Variants in EIF2S3B observed in about 807,000 individuals in gnomAD.
EIF2S3B encodes the protein eukaryotic translation initiation factor 2 subunit gamma B.
In EIF2S3B, 16 loss-of-function variants were observed where a neutral mutation model predicts 26.4. That is an observed-to-expected ratio of 0.61 (90% CI 0.41 to 0.92). The LOEUF is 0.92. Among genes scored for constraint, EIF2S3B ranks in the 40% least tolerant of loss-of-function variants. The pLI is 0.00. For synonymous variants in EIF2S3B, 183 were observed against 204.4 expected (o/e 0.90, Z 0.89); for missense variants, 510 against 575.5 (o/e 0.89, Z 1.16).
At position 10,507,573 on chromosome 12, in the gene EIF2S3B, T is replaced by C; in HGVS notation, c.*252T>C. On this transcript the variant is annotated 3_prime_UTR_variant, in exon 1 of 1. Transcript: ENST00000538173. ...AGAAGTTAAGCATTCCCACATAATG[T>C]CAAAATTATACATTATGCAGTTTTT... 3 of 585,114 alleles carry C rather than the reference T, an allele frequency of 5.1e-6. No individual in the cohort carries two copies. The highest frequency in any genetic ancestry group is 9.0e-4 in the Middle Eastern group (2 of 2,222). The allele number at this position is 585,114 out of a possible 1,614,324, so 36.2% of individuals were successfully genotyped here. A position where few individuals can be genotyped will look rare whatever the true frequency, so the allele number is the denominator to read the frequency against.
Position 10,506,392 on chromosome 12 carries a change from TCTTGCC to T in EIF2S3B, c.493_498del (p.Cys165_Pro166del), listed in dbSNP as rs1266731116. Reference sequence around the variant, plus strand: ...TCTTCTGTTGATAGCTGGTAATGAATCTTGCCCTCAGCCTCAGACATCTGAACACCT... The same window carrying T: ...TCTTCTGTTGATAGCTGGTAATGAATCTCAGCCTCAGACATCTGAACACCT... On this transcript the variant is annotated inframe_deletion, in exon 1 of 1. Transcript: ENST00000538173. 6 of 1,614,070 alleles carry T rather than the reference TCTTGCC, an allele frequency of 3.7e-6. No individual in the cohort carries two copies. Among genetic ancestry groups the T allele is most frequent in the Non-Finnish European group, 5.1e-6 (6 of 1,179,956 alleles).
chr12:10,522,330 G>C (rs1371120798), intron 1 of EIF2S3B, among the ~76,000 whole-genome samples: 1 of 152,054 alleles, frequency 6.6e-6, no homozygotes, highest in Non-Finnish European at 1.5e-5. Flanking sequence ...GTGAGATCCT[G>C]TCTCTAAAAA....
rs1023836135 is a variant in EIF2S3B, at chr12:10,507,603, T to A, written c.*282T>A. On this transcript the variant is annotated 3_prime_UTR_variant, in exon 1 of 1. Transcript: ENST00000538173. ...ATTATACATTATGCAGTTTTTTTGT[T>A]TGTTTTATTTTGTTTTGTTTTTGAG... is the stretch of plus-strand genomic sequence containing the variant. The A allele has an allele frequency of 9.4e-6, 5 of 532,048 alleles. No individual in the cohort carries two copies. Among genetic ancestry groups the A allele is most frequent in the African/African-American group, 3.9e-5 (2 of 51,086 alleles). The allele number at this position is 532,048 out of a possible 1,614,324, so 33.0% of individuals were successfully genotyped here.
At chr12:10,517,499 C>G (rs1864771037) in intron 1 of EIF2S3B, among the ~76,000 whole-genome samples, 1 of 152,182 alleles carries the variant, frequency 6.6e-6, no homozygotes, top group South Asian at 2.1e-4. Context: ...GATTTTCTCT[C>G]TTTTCTTCTT....
downstream of EIF2S3B, among the ~76,000 whole-genome samples, chr12:10,510,540 T>C (rs963310801): frequency 2.6e-5 from 4 of 152,288 alleles, no homozygotes; most frequent in African/African-American, 9.6e-5. Context: ...GGCACAGCCT[T>C]TTTCTTGAAA....
At chr12:10,514,609 A>C (rs1186712590) in intron 1 of EIF2S3B, among the ~76,000 whole-genome samples, 1 of 152,124 alleles carries the variant, frequency 6.6e-6, no homozygotes, top group Non-Finnish European at 1.5e-5. Context: ...TATCACAACA[A>C]ACATAGTTTA....
At chr12:10,521,614 TAAATA>T (rs1236493693) in intron 1 of EIF2S3B, among the ~76,000 whole-genome samples, 1 of 152,052 alleles carries the variant, frequency 6.6e-6, no homozygotes, top group East Asian at 1.9e-4. Flanking sequence ...TCAGAAACCA[TAAATA>T]AATAAGAAAA....
rs1253698947 is a variant in EIF2S3B at position 10,520,017 on chromosome 12, C to T, written c.1309-2586C>T. On this transcript the variant is annotated intron_variant, in intron 1 of 1. Coordinates refer to the EIF2S3B transcript ENST00000322446. ...CAGCCATCCCATTACTGGGTATATACCCAAAGGACTATAAATCATGCTGCT... is the reference window on the plus strand; with the variant it reads ...CAGCCATCCCATTACTGGGTATATATCCAAAGGACTATAAATCATGCTGCT... 3.3e-5 allele frequency among the ~76,000 whole-genome samples: 5 copies of T among 151,070 alleles called. No individual in the cohort carries two copies. The East Asian group carries it at 5.9e-4, about 18-fold the overall frequency.
Position 10,508,005 on chromosome 12 carries a change from G to A in EIF2S3B, c.*684G>A, listed in dbSNP as rs1337216336. Among the ~76,000 whole-genome samples the A allele has an allele frequency of 6.6e-6, 1 of 152,100 alleles. No individual in the cohort carries two copies. Among genetic ancestry groups the A allele is most frequent in the African/African-American group, 2.4e-5 (1 of 41,420 alleles). ...TTTGTTTTTCATGATTCGTCTTTGA[G>A]TACCTCCAGGCTGAAGGACTGTTGT... is the stretch of plus-strand genomic sequence containing the variant. On this transcript the variant is annotated 3_prime_UTR_variant, in exon 1 of 1. Coordinates refer to ENST00000538173, the MANE Select transcript of EIF2S3B (RefSeq NM_001357734.3).
intron 1 of EIF2S3B, among the ~76,000 whole-genome samples, chr12:10,514,334 A>T (rs1173288334): frequency 6.6e-6 from 1 of 151,980 alleles, no homozygotes; most frequent in Non-Finnish European, 1.5e-5. Flanking sequence ...CTTCTAACAT[A>T]ATATAATACT....
chr12:10,506,189 G>C lies in EIF2S3B; in HGVS notation c.287G>C (p.Cys96Ser), dbSNP rs772449053. The C allele has an allele frequency of 6.3e-7, 1 of 1,575,376 alleles. No individual in the cohort carries two copies. The highest frequency in any genetic ancestry group is 8.7e-7 in the Non-Finnish European group (1 of 1,144,796). Residue 96 changes from cysteine to serine, a missense_variant, in exon 1 of 1, where the codon TGC becomes TCC. Physicochemically the swap from Cys to Ser is moderately radical, Grantham distance 112. Coordinates refer to ENST00000538173, the MANE Select transcript of EIF2S3B (RefSeq NM_001357734.3). ...ATTTATCAACTTGATGACCCAAGTTGCCCTCGGCCAGAATGTTATCGATCT... is the reference window on the plus strand; with the variant it reads ...ATTTATCAACTTGATGACCCAAGTTCCCCTCGGCCAGAATGTTATCGATCT... ...AKIYQLDDPS[C>S]PRPECYRSCG...
rs1246430676 is a variant in EIF2S3B at position 10,506,347 on chromosome 12, G to A, written c.445G>A (p.Ala149Thr). ...TTTGATGGCTACTATGCTGAACGGT[G>A]CAGCAGTGATGGATGCAGCTCTTCT... The part of the protein sequence containing the change: ...DILMATMLNG[A>T]AVMDAALLLI... Residue 149 changes from alanine (A) to threonine (T), a missense_variant, in exon 1 of 1, where the codon GCA (alanine) becomes ACA (threonine). Physicochemically the swap from Ala to Thr is moderately conservative, Grantham distance 58. Coordinates refer to ENST00000538173, the MANE Select transcript of EIF2S3B (RefSeq NM_001357734.3). The A allele has an allele frequency of 6.2e-7, 1 of 1,614,136 alleles. No individual in the cohort carries two copies. Among genetic ancestry groups the A allele is most frequent in the East Asian group, 2.2e-5 (1 of 44,878 alleles).
At chr12:10,514,353 T>C (rs1182418053) in intron 1 of EIF2S3B, among the ~76,000 whole-genome samples, 2 of 152,184 alleles carry the variant, frequency 1.3e-5, no homozygotes, top group Non-Finnish European at 2.9e-5. Flanking sequence ...CTCCCTGATG[T>C]TACAAAGCTT....
intron 1 of EIF2S3B, among the ~76,000 whole-genome samples, chr12:10,522,392 A>C (rs1431710737): frequency 6.6e-6 from 1 of 152,004 alleles, no homozygotes; most frequent in Non-Finnish European, 1.5e-5. Context: ...CTATAACTAT[A>C]TTCTGTGATT....
chr12:10,506,233 G>A lies in EIF2S3B; in HGVS notation c.331G>A (p.Asp111Asn). Residue 111 changes from aspartate to asparagine, a missense_variant, in exon 1 of 1, where the codon GAT (aspartate) becomes AAT (asparagine). Asp to Asn is a conservative substitution (Grantham distance 23). Transcript: ENST00000538173. ...CYRSCGSSMP[D>N]EFPTDIPGTK... ...TCGATCTTGTGGGAGCAGTATGCCT[G>A]ATGAGTTTCCTACAGACATTCCAGG... is the stretch of plus-strand genomic sequence containing the variant. The A allele has an allele frequency of 3.1e-6, 5 of 1,604,358 alleles. No homozygotes were observed. Among genetic ancestry groups the A allele is most frequent in the Non-Finnish European group, 4.3e-6 (5 of 1,171,126 alleles).
At chr12:10,516,445 A>G (rs1270022183) in intron 1 of EIF2S3B, among the ~76,000 whole-genome samples, 2 of 152,014 alleles carry the variant, frequency 1.3e-5, no homozygotes, top group Non-Finnish European at 2.9e-5. Flanking sequence ...AATTAGAGCA[A>G]AATGAATATT....
Position 10,506,788 on chromosome 12 carries a change from G to A in EIF2S3B, c.886G>A (p.Val296Ile). 3 of 1,613,696 alleles carry A rather than the reference G, an allele frequency of 1.9e-6. No homozygotes were observed. Among genetic ancestry groups the A allele is most frequent in the Middle Eastern group, 1.7e-4 (1 of 6,060 alleles). Residue 296 changes from valine (V) to isoleucine (I), a missense_variant, in exon 1 of 1, where the codon GTA (valine) becomes ATA (isoleucine). Coordinates refer to ENST00000538173, the MANE Select transcript of EIF2S3B (RefSeq NM_001357734.3). ...ATTAAAGGTGGGCCAGGAGACAGAA[G>A]TAAGACCTGGTATTGTTTCCAAAGA... ...GVLKVGQETE[V>I]RPGIVSKDSE...
At chr12:10,519,477 A>G (rs1864805688) in intron 1 of EIF2S3B, among the ~76,000 whole-genome samples, 1 of 152,110 alleles carries the variant, frequency 6.6e-6, no homozygotes, top group Non-Finnish European at 1.5e-5. Context: ...ACACACCAAA[A>G]GCAATGGCAA....
chr12:10,517,102 G>T (rs1383352575), intron 1 of EIF2S3B, among the ~76,000 whole-genome samples: 1 of 151,938 alleles, frequency 6.6e-6, no homozygotes, highest in Non-Finnish European at 1.5e-5. Context: ...CCCGGCTTTG[G>T]TATCAGGGTG....
Sources: allele counts gnomAD v4.1 joint callset (sites outside exome capture counted in the v4.1 genomes callset), GRCh38; gene constraint gnomAD v4.1.1; transcripts MANE v1.5; gene names NCBI Gene and HGNC (gene_info 2026-07-23, HGNC 2026-07-21).